Variants in CHCHD6 observed in about 807,000 individuals in gnomAD.
CHCHD6 encodes the protein coiled-coil-helix-coiled-coil-helix domain containing 6.
CHCHD6 carries 28 observed loss-of-function variants against 32.3 expected under a neutral mutation model. That is an observed-to-expected ratio of 0.87 (90% confidence interval 0.64 to 1.19). The LOEUF (loss-of-function observed/expected upper bound fraction) is 1.19, where lower values mean the gene tolerates loss of function less well. Ranked by LOEUF, CHCHD6 falls within the 50% of genes most tolerant of loss-of-function variation. The pLI, the probability that CHCHD6 is intolerant of heterozygous loss-of-function variation, is 0.00. For synonymous variants in CHCHD6, 122 were observed against 117.5 expected (o/e 1.04, Z -0.25); for missense variants, 333 against 307.0 (o/e 1.08, Z -0.63).
At chr3:126,783,432 G>T (rs1244519580) in intron 4 of CHCHD6, among the ~76,000 whole-genome samples, 1 of 152,164 alleles carries the variant, frequency 6.6e-6, no homozygotes, top group East Asian at 1.9e-4. Context: ...TCAACACAGG[G>T]CTCGAAGTCC....
At chr3:126,749,930 CTGT>C (rs1391591288) in intron 4 of CHCHD6, among the ~76,000 whole-genome samples, 1 of 152,200 alleles carries the variant, frequency 6.6e-6, no homozygotes, top group African/African-American at 2.4e-5. Flanking sequence ...AAATCCACCA[CTGT>C]TGTTTGTTGC....
chr3:126,958,285 C>T (rs986771165), intron 7 of CHCHD6, among the ~76,000 whole-genome samples: 10 of 152,154 alleles, frequency 6.6e-5, no homozygotes, highest in Non-Finnish European at 1.5e-4. Context: ...AACAGGACAG[C>T]TCCCACCTTG....
intron 5 of CHCHD6, among the ~76,000 whole-genome samples, chr3:126,896,612 A>G (rs961333471): frequency 3.9e-5 from 6 of 152,212 alleles, no homozygotes; most frequent in African/African-American, 7.2e-5. Flanking sequence ...TTTATTCCCA[A>G]AGGAAATCTG....
intron 4 of CHCHD6, among the ~76,000 whole-genome samples, chr3:126,834,053 C>CAAAAAA (rs55790919): frequency 2.3e-3 from 101 of 44,158 alleles, no homozygotes; most frequent in Middle Eastern, 0.013. Context: ...GACTCCGTCT[C>CAAAAAA]AAAAAAAAAA....
chr3:126,808,680 G>A (rs1005842230), intron 4 of CHCHD6, among the ~76,000 whole-genome samples: 8 of 152,070 alleles, frequency 5.3e-5, no homozygotes, highest in Non-Finnish European at 1.2e-4. Context: ...GCCATTTAAA[G>A]ATTTTTTAAG....
intron 5 of CHCHD6, among the ~76,000 whole-genome samples, chr3:126,877,437 C>T (rs912816972): frequency 5.9e-5 from 9 of 152,044 alleles, no homozygotes; most frequent in South Asian, 2.1e-4. Context: ...CGCCTGTAGT[C>T]GCAGCTACTC....
At chr3:126,876,909 T>C (rs760629798) in intron 5 of CHCHD6, among the ~76,000 whole-genome samples, 23 of 151,860 alleles carry the variant, frequency 1.5e-4, no homozygotes, top group Non-Finnish European at 2.9e-4. Flanking sequence ...CTCAGCAGGG[T>C]GAAGAGTGTC....
intron 4 of CHCHD6, among the ~76,000 whole-genome samples, chr3:126,739,594 T>C (rs1936202669): frequency 6.6e-6 from 1 of 152,256 alleles, no homozygotes; most frequent in Admixed American, 6.5e-5. Flanking sequence ...GAGAGGTTTC[T>C]TGTCTTGGTA....
At chr3:126,955,806 G>A (rs190277841) in intron 6 of CHCHD6, among the ~76,000 whole-genome samples, 1 of 152,264 alleles carries the variant, frequency 6.6e-6, no homozygotes, top group East Asian at 1.9e-4. Context: ...GGTTTGAGGG[G>A]AGCATTGTCC....
intron 4 of CHCHD6, among the ~76,000 whole-genome samples, chr3:126,802,787 T>G (rs1202450020): frequency 1.3e-5 from 2 of 151,980 alleles, no homozygotes; most frequent in Admixed American, 6.6e-5. Flanking sequence ...TTGAAATGAA[T>G]GAAAAAATGT....
chr3:126,855,157 C>G (rs1941617070), intron 5 of CHCHD6, among the ~76,000 whole-genome samples: 1 of 152,180 alleles, frequency 6.6e-6, no homozygotes, highest in Non-Finnish European at 1.5e-5. Context: ...TTCCATTTCC[C>G]CATAGAAAGC....
intron 4 of CHCHD6, among the ~76,000 whole-genome samples, chr3:126,801,365 G>A (rs975248062): frequency 5.9e-5 from 9 of 152,226 alleles, no homozygotes; most frequent in Non-Finnish European, 1.5e-5. Context: ...ACCCGATACT[G>A]CACTTTTCTG....
At chr3:126,889,858 G>T (rs539452324) in intron 5 of CHCHD6, among the ~76,000 whole-genome samples, 1 of 152,216 alleles carries the variant, frequency 6.6e-6, no homozygotes, top group South Asian at 2.1e-4. Flanking sequence ...GACCAGGTCC[G>T]CAGAAAGCGT....
chr3:126,810,300 G>A (rs1195171046), intron 4 of CHCHD6, among the ~76,000 whole-genome samples: 2 of 152,180 alleles, frequency 1.3e-5, no homozygotes, highest in Non-Finnish European at 2.9e-5. Context: ...ATACGGGATG[G>A]GAGACTTATA....
At chr3:126,903,464 T>C (rs2077960377) in intron 5 of CHCHD6, among the ~76,000 whole-genome samples, 1 of 152,210 alleles carries the variant, frequency 6.6e-6, no homozygotes. Flanking sequence ...ATCAAGACCC[T>C]GTACAATCTT....
intron 6 of CHCHD6, among the ~76,000 whole-genome samples, chr3:126,933,013 C>T (rs1436410307): frequency 2.0e-5 from 3 of 150,300 alleles, no homozygotes; most frequent in East Asian, 2.0e-4. Flanking sequence ...GCCTGGGGTC[C>T]GGGAGGGAGG....
chr3:126,760,501 C>T (rs975123386), intron 4 of CHCHD6, among the ~76,000 whole-genome samples: 2 of 152,242 alleles, frequency 1.3e-5, no homozygotes, highest in African/African-American at 2.4e-5. Flanking sequence ...TTCCCCCTTT[C>T]CCATATCTTT....
At chr3:126,870,296 G>A (rs1350208910) in intron 5 of CHCHD6, among the ~76,000 whole-genome samples, 1 of 152,190 alleles carries the variant, frequency 6.6e-6, no homozygotes, top group Non-Finnish European at 1.5e-5. Flanking sequence ...CCGTGTTCCA[G>A]TATAGAATTA....
At chr3:126,880,365 C>T (rs1308538090) in intron 5 of CHCHD6, among the ~76,000 whole-genome samples, 1 of 152,098 alleles carries the variant, frequency 6.6e-6, no homozygotes, top group Non-Finnish European at 1.5e-5. Context: ...GGAGAAAGAC[C>T]ATAGCCAGGC....
Sources: allele counts gnomAD v4.1 joint callset (sites outside exome capture counted in the v4.1 genomes callset), GRCh38; gene constraint gnomAD v4.1.1; transcripts MANE v1.5; gene names NCBI Gene and HGNC (gene_info 2026-07-23, HGNC 2026-07-21).